HMGN3: variants seen among roughly 807,000 people sequenced by gnomAD.
HMGN3 encodes the protein high mobility group nucleosome-binding domain-containing protein 3.
Under a neutral mutation model 18.8 loss-of-function variants are expected in HMGN3, and 6 were observed. The observed-to-expected ratio is 0.32, with a 90% CI of 0.18 to 0.63. The LOEUF (loss-of-function observed/expected upper bound fraction) is 0.63, where lower values mean the gene tolerates loss of function less well. HMGN3 is among the 30% of genes least tolerant of loss of function. The pLI is 0.79. For synonymous variants in HMGN3, 40 were observed against 36.5 expected, an observed-to-expected ratio of 1.10 and a Z score of -0.35; for missense variants, 107 against 114.2, an observed-to-expected ratio of 0.94 and a Z score of 0.29.
intron 3 of HMGN3, 55 bp from the exon 4 acceptor site, chr6:79,203,685 AC>A: frequency 7.7e-7 from 1 of 1,298,114 alleles, no homozygotes. Context: ...AACTATCAGC[AC>A]CAAAAGAAAC....
chr6:79,227,616 G>C (rs1431764330), intron 1 of HMGN3, among the ~76,000 whole-genome samples: 8 of 152,142 alleles, frequency 5.3e-5, no homozygotes, highest in Admixed American at 2.0e-4. Context: ...CAACGAAACA[G>C]AGCATATCAT....
intron 1 of HMGN3, among the ~76,000 whole-genome samples, chr6:79,219,578 T>C (rs1262285519): frequency 6.6e-6 from 1 of 152,192 alleles, no homozygotes; most frequent in African/African-American, 2.4e-5. Flanking sequence ...ATTGTGTTTT[T>C]AAGTTTCAAC....
At chr6:79,204,756 T>C (rs889610583) in intron 3 of HMGN3, among the ~76,000 whole-genome samples, 3 of 152,180 alleles carry the variant, frequency 2.0e-5, no homozygotes, top group Non-Finnish European at 4.4e-5. Context: ...GATTGGCTGT[T>C]AGAAATGACC....
intron 1 of HMGN3, among the ~76,000 whole-genome samples, chr6:79,223,795 G>A (rs193068022): frequency 4.0e-5 from 6 of 150,736 alleles, no homozygotes; most frequent in Admixed American, 2.6e-4. Flanking sequence ...CAGAAAGCAC[G>A]TGGCTCAATC....
intron 2 of HMGN3, among the ~76,000 whole-genome samples, chr6:79,211,462 CTTGT>C (rs1187779725): frequency 2.1e-5 from 2 of 93,076 alleles, no homozygotes; most frequent in Non-Finnish European, 4.0e-5. Flanking sequence ...AAGAATTTCT[CTTGT>C]TTTTTTTTTT....
chr6:79,207,626 C>T (rs921313634), intron 3 of HMGN3, among the ~76,000 whole-genome samples: 27 of 152,190 alleles, frequency 1.8e-4, no homozygotes, highest in Admixed American at 5.9e-4. Context: ...ACGAGACTCA[C>T]GTGAAACACT....
intron 1 of HMGN3, among the ~76,000 whole-genome samples, chr6:79,226,203 T>C (rs745744212): frequency 5.3e-5 from 8 of 152,182 alleles, no homozygotes; most frequent in Non-Finnish European, 8.8e-5. Context: ...CCCAATATTT[T>C]CCTCTGTGTT....
chr6:79,202,688 G>C (rs1561981016), intron 4 of HMGN3, among the ~76,000 whole-genome samples: 1 of 152,172 alleles, frequency 6.6e-6, no homozygotes, highest in South Asian at 2.1e-4. Flanking sequence ...CCAGTAAGGG[G>C]AGAAGTGGTT....
chr6:79,226,097 A>G (rs1167176094), intron 1 of HMGN3, among the ~76,000 whole-genome samples: 4 of 152,374 alleles, frequency 2.6e-5, no homozygotes, highest in Admixed American at 2.6e-4. Context: ...AATAGTTAAC[A>G]GCAAAATTCC....
At chr6:79,223,284 G>T (rs1777395960) in intron 1 of HMGN3, among the ~76,000 whole-genome samples, 2 of 152,308 alleles carry the variant, frequency 1.3e-5, no homozygotes, top group African/African-American at 4.8e-5. Flanking sequence ...GGTCGAGGCA[G>T]GCGGATCATG....
At chr6:79,223,683 G>GA (rs1487915503) in intron 1 of HMGN3, among the ~76,000 whole-genome samples, 7 of 151,848 alleles carry the variant, frequency 4.6e-5, no homozygotes, top group Non-Finnish European at 8.8e-5. Flanking sequence ...AAAAAAGAAA[G>GA]AAGTTTAAAT....
intron 1 of HMGN3, among the ~76,000 whole-genome samples, chr6:79,228,299 A>G (rs1777659822): frequency 6.6e-6 from 1 of 152,220 alleles, no homozygotes; most frequent in Admixed American, 6.5e-5. Flanking sequence ...TAATTTCCCA[A>G]GGCGATGGTA....
chr6:79,201,829 C>CT lies in HMGN3; in HGVS notation c.262-104dup, dbSNP rs533500859. 6,879 of 1,284,194 alleles carry CT rather than the reference C, an allele frequency of 5.4e-3. 2 individuals are homozygous for CT. Among genetic ancestry groups the CT allele is most frequent in the South Asian group, 0.012 (762 of 63,474 alleles). 79.5% of individuals were successfully genotyped at this position (1,284,194 alleles called of 1,614,324 possible). ...ACACACAGTTTTGAACATTTGTTTT[C>CT]TTTTTTTTTTCCAGCTTTACTGCAA... On this transcript the variant is annotated intron_variant, in intron 5 of 5. Coordinates refer to ENST00000344726, the Ensembl canonical transcript of HMGN3.
At chr6:79,229,936 A>T (rs942822080) in intron 1 of HMGN3, among the ~76,000 whole-genome samples, 1 of 152,228 alleles carries the variant, frequency 6.6e-6, no homozygotes, top group Non-Finnish European at 1.5e-5. Context: ...ACTCTTAGAA[A>T]TCTTCCCAAG....
At chr6:79,230,364 G>A (rs896629566) in intron 1 of HMGN3, among the ~76,000 whole-genome samples, 2 of 152,106 alleles carry the variant, frequency 1.3e-5, no homozygotes, top group African/African-American at 2.4e-5. Flanking sequence ...CAATGGTTGC[G>A]CAACTCTATA....
chr6:79,216,153 T>C (rs757866165), intron 1 of HMGN3, among the ~76,000 whole-genome samples: 1 of 152,200 alleles, frequency 6.6e-6, no homozygotes, highest in Admixed American at 6.5e-5. Context: ...AGAGAATTAA[T>C]ATGATGACCT....
intron 3 of HMGN3, among the ~76,000 whole-genome samples, chr6:79,205,500 T>A (rs1421492524): frequency 1.3e-5 from 2 of 152,236 alleles, no homozygotes; most frequent in African/African-American, 4.8e-5. Flanking sequence ...ACGTAAGACA[T>A]AATTTGCTCC....
chr6:79,201,933 C>A, intron 5 of HMGN3, 130 bp downstream of exon 6: 1 of 1,442,116 alleles, frequency 6.9e-7, no homozygotes, highest in East Asian at 2.5e-5. Context: ...TTGCTTTCTG[C>A]TTTTCAAACC....
chr6:79,208,992 C>T (rs540717366), intron 2 of HMGN3, among the ~76,000 whole-genome samples: 2 of 152,292 alleles, frequency 1.3e-5, no homozygotes, highest in Non-Finnish European at 2.9e-5. Flanking sequence ...TAAGTTAATA[C>T]AAGAAGAGAC....
Sources: allele counts gnomAD v4.1 joint callset (sites outside exome capture counted in the v4.1 genomes callset), GRCh38; gene constraint gnomAD v4.1.1; transcripts MANE v1.5; gene names NCBI Gene and HGNC (gene_info 2026-07-23, HGNC 2026-07-21).